The following TAF6 variants were observed in gnomAD, a reference collection of about 807,000 sequenced individuals.
TAF6 encodes transcription initiation factor TFIID subunit 6.
A neutral mutation model predicts 73.5 loss-of-function variants in TAF6; 50 were observed. That is an observed-to-expected ratio of 0.68 (90% CI 0.54 to 0.86). The LOEUF is 0.86. TAF6 is among the 40% of genes least tolerant of loss of function. The probability of loss-of-function intolerance (pLI) is 0.00; values close to 1 mark genes in which losing one functional copy is unlikely to be tolerated. For missense variants in TAF6, 768 were observed against 899.5 expected (o/e 0.85, Z 1.87); for synonymous variants, 424 against 376.7 (o/e 1.13, Z -1.45).
At chr7:100,120,400 G>C (rs1399863609), upstream of TAF6, 2 of 152,344 alleles carry the variant, frequency 1.3e-5, no homozygotes, top group African/African-American at 2.4e-5. Flanking sequence ...TTTGCAGACG[G>C]TGCGTACTAT....
upstream of TAF6, chr7:100,124,784 GGGGA>G (rs1798168929): frequency 1.9e-6 from 3 of 1,613,570 alleles, no homozygotes; most frequent in South Asian, 2.2e-5. Context: ...GAAAACAGAA[GGGGA>G]GGAAGAGCAG....
At chr7:100,116,237 GC>G (rs1797660942) in intron 1 of TAF6, among the ~76,000 whole-genome samples, 1 of 151,996 alleles carries the variant, frequency 6.6e-6, no homozygotes, top group South Asian at 2.1e-4. Flanking sequence ...CTTATAATGG[GC>G]AGGTGCAGTG....
the TAF6 span, chr7:100,124,865 A>C: frequency 1.0e-5 from 16 of 1,602,120 alleles, no homozygotes; most frequent in Non-Finnish European, 1.4e-5. Context: ...AAGCCACCCC[A>C]AACTTGACCG....
At chr7:100,112,948 T>C (rs748213180) in intron 5 of TAF6, 31 bp from the exon 6 acceptor site, 115 of 1,582,964 alleles carry the variant, frequency 7.3e-5, no homozygotes, top group Non-Finnish European at 9.6e-5. Context: ...GCGGGAGGGG[T>C]GATGAGCATA....
chr7:100,126,985 A>C, the TAF6 span: 4 of 166,638 alleles, frequency 2.4e-5, no homozygotes, highest in Non-Finnish European at 2.6e-5. Flanking sequence ...GTACACGGGA[A>C]CCGCAGAGGA....
chr7:100,112,187 T>G lies in TAF6; in HGVS notation c.641A>C (p.His214Pro), dbSNP rs1797244199. 6.2e-7 allele frequency: 1 copy of G among 1,614,054 alleles called. No homozygotes were observed. Among genetic ancestry groups the G allele is most frequent in the Non-Finnish European group, 8.5e-7 (1 of 1,180,032 alleles). The change falls in exon 7 of 15, where the codon CAC becomes CCC. Residue 214 changes from histidine (H) to proline (P), a missense_variant. By Grantham distance (77) the His-to-Pro change is moderately conservative. Coordinates refer to ENST00000453269, the MANE Select transcript of TAF6 (RefSeq NM_139315.3). ...APLRLKPRSI[H>P]ELSVEQQLYY... ...GAGCTGCTGCTCCACAGACAACTCGTGGATGCTCCGGGGCTTCAGTCGCAA... is the reference window on the plus strand; with the variant it reads ...GAGCTGCTGCTCCACAGACAACTCGGGGATGCTCCGGGGCTTCAGTCGCAA...
At position 100,107,533 on chromosome 7, in the gene TAF6, TGAC is replaced by T; in HGVS notation, c.1744_1746del (p.Val582del). 1 of 1,613,738 alleles carries T rather than the reference TGAC, an allele frequency of 6.2e-7. No individual in the cohort carries two copies. Among genetic ancestry groups the T allele is most frequent in the Non-Finnish European group, 8.5e-7 (1 of 1,179,918 alleles). Reference sequence around the variant, plus strand: ...GCGGTGGTGGCGGTGGAGACCAACTTGACGATGGGCTGCACGCTGGGGACGGTG... The same window carrying T: ...GCGGTGGTGGCGGTGGAGACCAACTTGATGGGCTGCACGCTGGGGACGGTG... On this transcript the variant is annotated inframe_deletion, in exon 15 of 15. Transcript: ENST00000453269.
At chr7:100,119,681 G>T (rs764940643), upstream of TAF6, 67 of 1,612,086 alleles carry the variant, frequency 4.2e-5, no homozygotes, top group Non-Finnish European at 5.6e-5. Flanking sequence ...GGGAATTTAA[G>T]GGACCCACAC....
intron 4 of TAF6, 92 bp downstream of exon 4, chr7:100,113,524 T>C: frequency 3.2e-6 from 5 of 1,551,496 alleles, no homozygotes; most frequent in Non-Finnish European, 4.4e-6. Context: ...GATCTCACAC[T>C]GAGCTTTTCT....
At position 100,114,266 on chromosome 7, in the gene TAF6, AC is replaced by A; in HGVS notation, c.-58del. The A allele has an allele frequency of 6.2e-7, 1 of 1,613,000 alleles. No homozygotes were observed. The highest frequency in any genetic ancestry group is 8.5e-7 in the Non-Finnish European group (1 of 1,179,990). On this transcript the variant is annotated splice_region_variant and 5_prime_UTR_variant, in exon 2 of 15. Coordinates refer to ENST00000453269, the MANE Select transcript of TAF6 (RefSeq NM_139315.3). ...TGAAGCCCCCGGTGGAGAGACGGAG[AC>A]CCTGGCAGAGGAACGGGGCAGGCAG... is the stretch of plus-strand genomic sequence containing the variant.
At chr7:100,112,085 G>C (rs746906726) in intron 7 of TAF6, 23 bp downstream of exon 7, 12 of 1,613,492 alleles carry the variant, frequency 7.4e-6, no homozygotes, top group African/African-American at 1.3e-5. Context: ...CTCAGGGCCA[G>C]GGCAAGCTGG....
chr7:100,121,851 C>T (rs559587783), upstream of TAF6, among the ~76,000 whole-genome samples: 174 of 151,232 alleles, frequency 1.2e-3, 2 homozygotes, highest in South Asian at 0.03. Context: ...CTGATCGAGA[C>T]CATCCTGGCT....
chr7:100,116,986 G>A (rs1470492522), intron 1 of TAF6, among the ~76,000 whole-genome samples: 2 of 152,026 alleles, frequency 1.3e-5, no homozygotes, highest in African/African-American at 2.4e-5. Context: ...AGTGGCTCAC[G>A]CCTGTAATCC....
upstream of TAF6, chr7:100,119,905 C>T (rs368680297): frequency 2.4e-5 from 36 of 1,530,714 alleles, no homozygotes; most frequent in African/African-American, 4.2e-5. Flanking sequence ...CCCGGCCACA[C>T]CTCCTTCTTC....
Position 100,113,640 on chromosome 7 carries a change from C to G in TAF6, c.373G>C (p.Val125Leu). 6.2e-7 allele frequency: 1 copy of G among 1,614,064 alleles called. No individual in the cohort carries two copies. Among genetic ancestry groups the G allele is most frequent in the Non-Finnish European group, 8.5e-7 (1 of 1,180,018 alleles). Residue 125 changes from valine to leucine, a missense_variant, in exon 4 of 15, where the codon GTG becomes CTG. Val to Leu is a conservative substitution (Grantham distance 32). Transcript: ENST00000453269. ...SDIINTPLPR[V>L]PLDVCLKAHW... ...CCTTTGAGGCAGACGTCCAGGGGCA[C>G]CCGGGGCAGAGGGGTATTGATGATG...
At chr7:100,124,350 G>A (rs1441024483), upstream of TAF6, 1 of 595,014 alleles carries the variant, frequency 1.7e-6, no homozygotes, top group Non-Finnish European at 3.0e-6. Flanking sequence ...ATAGGTGCTG[G>A]TAAATGTTTG....
chr7:100,110,554 G>A (rs1036055224), intron 10 of TAF6, among the ~76,000 whole-genome samples: 3 of 152,116 alleles, frequency 2.0e-5, no homozygotes, highest in South Asian at 2.1e-4. Flanking sequence ...GCTCATACCC[G>A]TAATCCCAGC....
upstream of TAF6, chr7:100,123,051 TC>T: frequency 1.1e-6 from 1 of 913,322 alleles, no homozygotes; most frequent in Non-Finnish European, 1.5e-6. Context: ...TTAAAGTGGG[TC>T]CAGGAGCGGT....
chr7:100,122,315 C>T (rs756675979), upstream of TAF6: 34 of 1,613,818 alleles, frequency 2.1e-5, no homozygotes, highest in Middle Eastern at 9.9e-4. Flanking sequence ...CGGTCGATCT[C>T]GAGAGGTGCT....
Sources: allele counts gnomAD v4.1 joint callset (sites outside exome capture counted in the v4.1 genomes callset), GRCh38; gene constraint gnomAD v4.1.1; transcripts MANE v1.5; gene names NCBI Gene and HGNC (gene_info 2026-07-23, HGNC 2026-07-21).